MYH7B: variants seen among roughly 807,000 people sequenced by gnomAD.
The protein encoded by MYH7B is myosin heavy chain 7B.
A neutral mutation model predicts 234.5 loss-of-function variants in MYH7B; 205 were observed. The observed-to-expected ratio is 0.87, with a 90% CI of 0.78 to 0.98. MYH7B has a LOEUF of 0.98. Ranked by LOEUF, MYH7B falls within the 50% of genes least tolerant of loss-of-function variation. MYH7B has a pLI of 0.00. For synonymous variants in MYH7B, 1,193 were observed against 1,105.0 expected (o/e 1.08, Z -1.58); for missense variants, 2,652 against 2,633.4 (o/e 1.01, Z -0.15).
Position 35,000,469 on chromosome 20 carries a change from T to TGCAG in MYH7B, c.4962_4965dup (p.Gln1656GlyfsTer19), listed in dbSNP as rs2082348865. ...GAGGCCCAGGCTGCCACGCGGCTGATGCAGGCACAGCTCAAGGAGGAGCAG... is the reference window on the plus strand; with the variant it reads ...GAGGCCCAGGCTGCCACGCGGCTGATGCAGGCAGGCACAGCTCAAGGAGGAGCAG... On this transcript the variant is annotated frameshift_variant, in exon 39 of 45. Transcript: ENST00000262873. LOFTEE classifies it high-confidence loss of function. 1 of 1,601,910 alleles carries TGCAG rather than the reference T, an allele frequency of 6.2e-7. No individual in the cohort carries two copies. The highest frequency in any genetic ancestry group is 1.7e-5 in the Admixed American group (1 of 59,930).
At chr20:34,981,178 C>G in intron 9 of MYH7B, 118 bp downstream of exon 9, 1 of 1,301,068 alleles carries the variant, frequency 7.7e-7, no homozygotes, top group Non-Finnish European at 1.1e-6. Flanking sequence ...ACTTTTACCA[C>G]CTGGAGCTAG....
Position 34,984,943 on chromosome 20 carries a change from C to T in MYH7B, c.738C>T (p.Arg246=), listed in dbSNP as rs761131023. Residue 246 remains arginine (R), a synonymous_variant, in exon 12 of 45, where the codon CGC becomes CGT. Coordinates refer to ENST00000262873, the Ensembl canonical transcript of MYH7B. ...CCCTGAGGAATGATAACTCCTCCCG[C>T]TTTGTGAGTGGCTGAGGTGGGAGGG... 11 of 1,613,468 alleles carry T rather than the reference C, an allele frequency of 6.8e-6. No individual in the cohort carries two copies. In the South Asian group the frequency reaches 9.9e-5, roughly 14 times the overall value.
At position 34,980,911 on chromosome 20, in the gene MYH7B, C is replaced by A. The variant is rs2081932820; in HGVS notation, c.500-122C>A. 5.3e-6 allele frequency: 8 copies of A among 1,511,424 alleles called. No individual in the cohort carries two copies. The South Asian group carries it at 7.9e-5, about 15-fold the overall frequency. The allele number at this position is 1,511,424 out of a possible 1,614,324, so 93.6% of individuals were successfully genotyped here. A position where few individuals can be genotyped will look rare whatever the true frequency, so the allele number is the denominator to read the frequency against. On this transcript the variant is annotated intron_variant, in intron 8 of 44. Transcript: ENST00000262873. ...TGACCTCCACTAGGGACAGCCCCAC[C>A]TGCTCCTTCCCATTCCTGGCTCTGG...
chr20:34,997,820 C>G (rs184887096), intron 32 of MYH7B, among the ~76,000 whole-genome samples, 180 bp downstream of exon 32: 128 of 152,232 alleles, frequency 8.4e-4, no homozygotes, highest in Non-Finnish European at 1.3e-4. Flanking sequence ...AGCCGTGACT[C>G]CCAAGCCCTG....
At position 35,002,079 on chromosome 20, in the gene MYH7B, C is replaced by A. The variant is rs781530791; in HGVS notation, c.5808C>A (p.Gly1936=). The stretch of plus-strand genomic sequence containing the variant: ...GGGCACGGACCCGGGACGCCCTGGG[C>A]CCCAAGGTGAGGAGTGGCAGGGGCA... The change falls in exon 44 of 45, where the codon GGC becomes GGA. Residue 1936 remains glycine (G), a synonymous_variant. Transcript: ENST00000262873. 4.3e-6 allele frequency: 7 copies of A among 1,613,662 alleles called. No individual in the cohort carries two copies. The African/African-American group carries it at 9.3e-5, about 22-fold the overall frequency.
intron 26 of MYH7B, 142 bp from the exon 27 acceptor site, chr20:34,994,004 C>T (rs1362658522): frequency 6.1e-6 from 7 of 1,143,412 alleles, no homozygotes; most frequent in Admixed American, 2.3e-5. Flanking sequence ...TGGGCCTCCC[C>T]TCACCCTCAC....
At chr20:34,964,745 C>T (rs749082617) in intron 2 of MYH7B, among the ~76,000 whole-genome samples, 4 of 152,106 alleles carry the variant, frequency 2.6e-5, no homozygotes, top group Middle Eastern at 3.2e-3. Context: ...ATAGTGAGAT[C>T]CCACCTCTAC....
chr20:34,971,890 A>T (rs913699215), intron 2 of MYH7B, among the ~76,000 whole-genome samples: 2 of 152,224 alleles, frequency 1.3e-5, no homozygotes, highest in African/African-American at 4.8e-5. Context: ...TTCACAGTCC[A>T]GCCCACTACC....
chr20:34,994,253 A>G lies in MYH7B; in HGVS notation c.2552A>G (p.Gln851Arg). ...ATGAAGCCGCTGCTGCGCTCGGCGC[A>G]GGCTGAGGAGGAGCTGGCGGCCCTG... Residue 851 changes from glutamine to arginine, a missense_variant, in exon 27 of 45, where the codon CAG becomes CGG. Gln to Arg is a conservative substitution (Grantham distance 43). Around this residue, in one of 3 missense-constraint regions of MYH7B, gnomAD observed 2,279 missense variants for 2,211.4 expected, o/e 1.03. Coordinates refer to ENST00000262873, the Ensembl canonical transcript of MYH7B. The G allele has an allele frequency of 6.2e-7, 1 of 1,612,994 alleles. No individual in the cohort carries two copies. The highest frequency in any genetic ancestry group is 8.5e-7 in the Non-Finnish European group (1 of 1,179,864).
At chr20:35,000,190 CTCAT>C in intron 38 of MYH7B, 99 bp from the exon 39 acceptor site, 1 of 1,361,174 alleles carries the variant, frequency 7.3e-7, no homozygotes, top group South Asian at 1.4e-5. Flanking sequence ...GGAGGGGTGA[CTCAT>C]TTGTTCTCAA....
intron 27 of MYH7B, 55 bp from the exon 28 acceptor site, chr20:34,995,281 T>A: frequency 6.4e-7 from 1 of 1,572,144 alleles, no homozygotes; most frequent in Non-Finnish European, 8.7e-7. Context: ...CTGGTGTCTC[T>A]CTGCTGGTTT....
chr20:34,997,002 G>A (rs2082272191), intron 30 of MYH7B, 81 bp from the exon 31 acceptor site: 2 of 1,397,970 alleles, frequency 1.4e-6, no homozygotes, highest in Admixed American at 4.7e-5. Flanking sequence ...GGGCCTGAAG[G>A]GGACTGGGGG....
intron 27 of MYH7B, 107 bp downstream of exon 27, chr20:34,994,508 C>T: frequency 7.5e-7 from 1 of 1,338,842 alleles, no homozygotes; most frequent in Non-Finnish European, 1.0e-6. Flanking sequence ...TTATGTCTCT[C>T]TGTTCCAAAG....
Position 34,982,442 on chromosome 20 carries a change from T to C in MYH7B, c.528-17T>C, listed in dbSNP as rs745370214. ...AGGCCAGATGGGCATTGGTGACTCA[T>C]GTTTGTGTCGTCCAAGCGGAGAGTC... On this transcript the variant is annotated splice_polypyrimidine_tract_variant and intron_variant, in intron 9 of 44. Transcript: ENST00000262873. 5.0e-6 allele frequency: 8 copies of C among 1,612,648 alleles called. No homozygotes were observed. The African/African-American group carries it at 1.1e-4, about 22-fold the overall frequency.
exon 43 of MYH7B, chr20:35,001,507 A>G: frequency 6.2e-7 from 1 of 1,609,504 alleles, no homozygotes. Context: ...AAGAGCTACA[A>G]GCGCCAGTTT....
chr20:34,997,256 G>T, exon 32 of MYH7B: 2 of 1,558,334 alleles, frequency 1.3e-6, no homozygotes, highest in Non-Finnish European at 1.7e-6. Flanking sequence ...CCCAGGCTCG[G>T]GCGGAGGAGC....
chr20:34,994,369 G>A (rs2082212839), exon 27 of MYH7B: 9 of 1,596,426 alleles, frequency 5.6e-6, no homozygotes, highest in Non-Finnish European at 7.7e-6. Context: ...CATCACCCAG[G>A]AGAAGAATGA....
chr20:34,999,498 CAG>C (rs139695218), intron 36 of MYH7B, 71 bp from the exon 37 acceptor site: 152,588 of 1,534,240 alleles, frequency 0.099, 8,846 homozygotes, highest in African/African-American at 0.25. Context: ...ACCCTGGAAT[CAG>C]GGGTGAGTGG....
At chr20:34,996,017 G>A (rs2147227137) in intron 28 of MYH7B, among the ~76,000 whole-genome samples, 1 of 128,958 alleles carries the variant, frequency 7.8e-6, no homozygotes, top group South Asian at 2.7e-4. Flanking sequence ...GGGGTAGGCA[G>A]CTTAGGTTCT....
Sources: allele counts gnomAD v4.1 joint callset (sites outside exome capture counted in the v4.1 genomes callset), GRCh38; gene constraint gnomAD v4.1.1; regional missense constraint gnomAD v4.1.1; transcripts MANE v1.5; gene names NCBI Gene and HGNC (gene_info 2026-07-23, HGNC 2026-07-21).